The following FARS2 variants were observed in gnomAD, a reference collection of about 807,000 sequenced individuals.
FARS2 encodes the protein phenylalanine--tRNA ligase, mitochondrial.
FARS2 carries 40 observed loss-of-function variants against 46.4 expected under a neutral mutation model. That is an observed-to-expected ratio of 0.86 (90% CI 0.67 to 1.12). FARS2 has a LOEUF of 1.12. FARS2 is among the 50% of genes most tolerant of loss of function. The probability of loss-of-function intolerance (pLI) is 0.00; values close to 1 mark genes in which losing one functional copy is unlikely to be tolerated. For missense variants in FARS2, 513 were observed against 567.9 expected (o/e 0.90, Z 0.98); for synonymous variants, 234 against 214.9 (o/e 1.09, Z -0.78).
At chr6:5,589,426 C>G (rs1773795721) in intron 5 of FARS2, among the ~76,000 whole-genome samples, 1 of 152,226 alleles carries the variant, frequency 6.6e-6, no homozygotes, top group Non-Finnish European at 1.5e-5. Context: ...GAGGACAGAG[C>G]TCAGAAAACT....
At chr6:5,744,922 C>CATTAATT (rs1761552420) in intron 6 of FARS2, among the ~76,000 whole-genome samples, 2 of 152,110 alleles carry the variant, frequency 1.3e-5, no homozygotes, top group African/African-American at 4.8e-5. Flanking sequence ...TTGGATTTGG[C>CATTAATT]AATTAAATGT....
At chr6:5,566,355 A>G (rs566569423) in intron 5 of FARS2, among the ~76,000 whole-genome samples, 2 of 152,200 alleles carry the variant, frequency 1.3e-5, no homozygotes, top group African/African-American at 4.8e-5. Context: ...AAACTCTCAC[A>G]ATGCGAAGTA....
In FARS2 at chr6:5,771,353, A is replaced by G. The variant is rs778281728; in HGVS notation, c.1280A>G (p.Gln427Arg). The change falls in exon 7 of 7, where the codon CAG becomes CGG. Residue 427 changes from glutamine (Q) to arginine (R), a missense_variant. Physicochemically the swap from Gln to Arg is conservative, Grantham distance 43. Transcript: ENST00000274680. ...TYRHMERTLS[Q>R]REVRHIHQAL... Reference sequence around the variant, plus strand: ...CGCCACATGGAACGGACTCTGTCCCAGAGAGAGGTCAGGCACATCCACCAG... The same window carrying G: ...CGCCACATGGAACGGACTCTGTCCCGGAGAGAGGTCAGGCACATCCACCAG... 77 of 1,614,068 alleles carry G rather than the reference A, an allele frequency of 4.8e-5. 1 individual carries two copies. In the Admixed American group the frequency reaches 1.3e-3, roughly 27 times the overall value.
chr6:5,277,902 G>C (rs1203366233), intron 1 of FARS2, among the ~76,000 whole-genome samples: 4 of 152,086 alleles, frequency 2.6e-5, no homozygotes, highest in African/African-American at 9.7e-5. Flanking sequence ...AGTCCATTTT[G>C]GGTATCCTGA....
intron 4 of FARS2, chr6:5,431,913 A>G (rs1476778746): frequency 1.0e-5 from 2 of 198,660 alleles, no homozygotes; most frequent in Non-Finnish European, 2.2e-5. Flanking sequence ...TGAATTGGGT[A>G]TTTTTTTTAA....
intron 6 of FARS2, among the ~76,000 whole-genome samples, chr6:5,761,070 T>C (rs1753164753): frequency 6.6e-6 from 1 of 152,226 alleles, no homozygotes; most frequent in Non-Finnish European, 1.5e-5. Context: ...CCAGTACCTC[T>C]GGTGACGTTT....
rs565099372 is a variant in FARS2, at chr6:5,604,960, C to G, written c.1066-8209C>G. Among the ~76,000 whole-genome samples, 14 of 152,228 alleles carry G rather than the reference C, an allele frequency of 9.2e-5. No homozygotes were observed. In the South Asian group the frequency reaches 2.9e-3, roughly 32 times the overall value. On this transcript the variant is annotated intron_variant, in intron 5 of 6. Transcript: ENST00000274680. ...TAAGAAGATATATACATTTCTGGAACAAGAATTTGAATCTGTTTTCATATC... is the reference window on the plus strand; with the variant it reads ...TAAGAAGATATATACATTTCTGGAAGAAGAATTTGAATCTGTTTTCATATC...
chr6:5,286,251 A>G (rs1326333277), intron 1 of FARS2, among the ~76,000 whole-genome samples: 1 of 152,072 alleles, frequency 6.6e-6, no homozygotes, highest in African/African-American at 2.4e-5. Context: ...GGTGCTTATC[A>G]TAAGGGCACT....
chr6:5,413,072 C>A (rs1008884669), intron 3 of FARS2, among the ~76,000 whole-genome samples: 2 of 152,272 alleles, frequency 1.3e-5, no homozygotes, highest in African/African-American at 4.8e-5. Flanking sequence ...CTAAGACACA[C>A]TTTTCCTTAG....
At chr6:5,632,497 T>A (rs2150721529) in intron 6 of FARS2, among the ~76,000 whole-genome samples, 1 of 152,206 alleles carries the variant, frequency 6.6e-6, no homozygotes, top group South Asian at 2.1e-4. Flanking sequence ...AGTTACAAAA[T>A]ATTTCCATTA....
chr6:5,329,949 C>T (rs1770679097), intron 1 of FARS2, among the ~76,000 whole-genome samples: 1 of 152,180 alleles, frequency 6.6e-6, no homozygotes, highest in South Asian at 2.1e-4. Context: ...TAATTAATCT[C>T]CAGCTCCTTT....
At chr6:5,539,096 A>G (rs1770403121) in intron 4 of FARS2, among the ~76,000 whole-genome samples, 1 of 152,082 alleles carries the variant, frequency 6.6e-6, no homozygotes, top group African/African-American at 2.4e-5. Flanking sequence ...TGACAGCCAC[A>G]TGGGACTGAG....
At chr6:5,605,016 A>AC (rs1774748909) in intron 5 of FARS2, among the ~76,000 whole-genome samples, 1 of 152,250 alleles carries the variant, frequency 6.6e-6, no homozygotes, top group Non-Finnish European at 1.5e-5. Context: ...CCTCCCTGAC[A>AC]AAGTTAAGAA....
intron 6 of FARS2, among the ~76,000 whole-genome samples, chr6:5,739,722 A>G (rs1420072420): frequency 2.6e-5 from 4 of 152,204 alleles, no homozygotes; most frequent in Non-Finnish European, 5.9e-5. Context: ...CTTTGAATCC[A>G]GGAGGACAGT....
At chr6:5,445,739 CT>C (rs1244267226) in intron 4 of FARS2, among the ~76,000 whole-genome samples, 4 of 152,132 alleles carry the variant, frequency 2.6e-5, no homozygotes, top group African/African-American at 4.8e-5. Context: ...TTCCAGACTT[CT>C]TTGACCAGAG....
At chr6:5,316,097 G>T (rs1055488868) in intron 1 of FARS2, among the ~76,000 whole-genome samples, 1 of 152,236 alleles carries the variant, frequency 6.6e-6, no homozygotes, top group Non-Finnish European at 1.5e-5. Context: ...TCTGGTTTTA[G>T]AAGTTATTTA....
chr6:5,442,968 GTGT>G (rs1188638312), intron 4 of FARS2, among the ~76,000 whole-genome samples: 1 of 152,136 alleles, frequency 6.6e-6, no homozygotes, highest in African/African-American at 2.4e-5. Context: ...GTTGTGTTAG[GTGT>G]TGTGTACTGT....
chr6:5,313,139 T>C (rs991333735), intron 1 of FARS2, among the ~76,000 whole-genome samples: 4 of 152,188 alleles, frequency 2.6e-5, no homozygotes, highest in African/African-American at 7.2e-5. Flanking sequence ...TTTACACATA[T>C]AGTGGTTCAT....
At chr6:5,536,767 T>C (rs1770230257) in intron 4 of FARS2, among the ~76,000 whole-genome samples, 1 of 152,226 alleles carries the variant, frequency 6.6e-6, no homozygotes, top group Admixed American at 6.5e-5. Flanking sequence ...AGAGTACTTG[T>C]CTTTCCAGGT....
Sources: gnomAD v4.1 joint callset for allele counts (sites outside exome capture counted in the v4.1 genomes callset) on GRCh38, gnomAD v4.1.1 for gene constraint, MANE v1.5 for transcripts, NCBI Gene and HGNC (gene_info 2026-07-23, HGNC 2026-07-21) for gene names.